The following MYOZ2 variants were observed in gnomAD, a reference collection of about 807,000 sequenced individuals.
MYOZ2 encodes myozenin-2.
Under a neutral mutation model 25.4 loss-of-function variants are expected in MYOZ2, and 19 were observed. The ratio of observed to expected loss-of-function variants is 0.75; its 90% CI spans 0.52 to 1.10. The LOEUF (loss-of-function observed/expected upper bound fraction) is 1.10, where lower values mean the gene tolerates loss of function less well. Ranked by LOEUF, MYOZ2 falls within the 50% of genes least tolerant of loss-of-function variation. The probability of loss-of-function intolerance (pLI) is 0.00; values close to 1 mark genes in which losing one functional copy is unlikely to be tolerated. For synonymous variants in MYOZ2, 92 were observed against 106.9 expected, an observed-to-expected ratio of 0.86 and a Z score of 0.86; for missense variants, 270 against 317.9, an observed-to-expected ratio of 0.85 and a Z score of 1.15.
intron 5 of MYOZ2, among the ~76,000 whole-genome samples, chr4:119,179,732 G>A (rs923195028): frequency 3.9e-5 from 6 of 152,224 alleles, no homozygotes; most frequent in Admixed American, 6.5e-5. Context: ...GGAAGTCCAA[G>A]ATCAAACTGC....
Position 119,186,162 on chromosome 4 carries a change from A to G in MYOZ2, c.757A>G (p.Thr253Ala), listed in dbSNP as rs1742290070. Residue 253 changes from threonine to alanine, a missense_variant, in exon 6 of 6, where the codon ACA becomes GCA. Physicochemically the swap from Thr to Ala is moderately conservative, Grantham distance 58. Coordinates refer to ENST00000307128, the MANE Select transcript of MYOZ2 (RefSeq NM_016599.5). ...TCCTATAGTGATAACAACCGAACCT[A>G]CAGATGATACCACTGTACCAGAATC... is the stretch of plus-strand genomic sequence containing the variant. ...NIPIVITTEP[T>A]DDTTVPESED... is the part of the protein sequence containing the mutation. 6.2e-7 allele frequency: 1 copy of G among 1,613,768 alleles called. No homozygotes were observed. Among genetic ancestry groups the G allele is most frequent in the Non-Finnish European group, 8.5e-7 (1 of 1,179,710 alleles).
At chr4:119,136,704 C>T in intron 2 of MYOZ2, 103 bp downstream of exon 2, 1 of 1,260,250 alleles carries the variant, frequency 7.9e-7, no homozygotes, top group Admixed American at 1.9e-5. Context: ...TAGATTCTTG[C>T]TGTTCTGTCA....
intron 3 of MYOZ2, among the ~76,000 whole-genome samples, chr4:119,156,313 G>C (rs986491173): frequency 1.3e-4 from 19 of 151,314 alleles, no homozygotes; most frequent in African/African-American, 4.4e-4. Flanking sequence ...CTTGATCTAT[G>C]ATCAAAGGTA....
chr4:119,176,503 A>G (rs1453940673), intron 5 of MYOZ2, among the ~76,000 whole-genome samples: 2 of 152,200 alleles, frequency 1.3e-5, no homozygotes, highest in Non-Finnish European at 2.9e-5. Flanking sequence ...GATTACAGGC[A>G]TGAGCCACTG....
chr4:119,179,420 G>A (rs1012538141), intron 5 of MYOZ2, among the ~76,000 whole-genome samples: 8 of 151,936 alleles, frequency 5.3e-5, no homozygotes, highest in African/African-American at 1.9e-4. Flanking sequence ...TCTTTCTCCT[G>A]GACTAAAATT....
At chr4:119,141,269 A>G (rs1014939354) in intron 2 of MYOZ2, among the ~76,000 whole-genome samples, 1 of 152,236 alleles carries the variant, frequency 6.6e-6, no homozygotes, top group Non-Finnish European at 1.5e-5. Flanking sequence ...TACTACAATT[A>G]TTTGTAAGTG....
At chr4:119,151,406 C>T (rs1159656113) in intron 3 of MYOZ2, among the ~76,000 whole-genome samples, 1 of 152,148 alleles carries the variant, frequency 6.6e-6, no homozygotes, top group Non-Finnish European at 1.5e-5. Context: ...TAGCGCTCCA[C>T]AGGCGAGGAT....
chr4:119,184,221 C>T (rs1046988779), intron 5 of MYOZ2, among the ~76,000 whole-genome samples: 1 of 152,186 alleles, frequency 6.6e-6, no homozygotes, highest in Non-Finnish European at 1.5e-5. Flanking sequence ...TTGCCCTTCA[C>T]ATTTAGAAGG....
rs1334189501 is a variant in MYOZ2 at position 119,160,994 on chromosome 4, C to CCTCCTGTCT, written c.376+2844_376+2852dup. Among the ~76,000 whole-genome samples the CCTCCTGTCT allele has an allele frequency of 3.3e-5, 5 of 151,890 alleles. No individual in the cohort carries two copies. In the East Asian group the frequency reaches 9.6e-4, roughly 29 times the overall value. ...GTGTTATAGAAGACTATAACTTATT[C>CCTCCTGTCT]CTCCTGTCTAGCTATAATTTTGCAT... is the stretch of plus-strand genomic sequence containing the variant. On this transcript the variant is annotated intron_variant, in intron 4 of 5. Transcript: ENST00000307128.
At chr4:119,146,284 ATCTT>A (rs1741289397) in intron 2 of MYOZ2, among the ~76,000 whole-genome samples, 1 of 145,640 alleles carries the variant, frequency 6.9e-6, no homozygotes, top group African/African-American at 2.5e-5. Context: ...TATTTTGTTC[ATCTT>A]TTTTTTTTAG....
chr4:119,142,255 A>G lies in MYOZ2; in HGVS notation c.76+5654A>G, dbSNP rs1360042301. Among the ~76,000 whole-genome samples, 5 of 152,218 alleles carry G rather than the reference A, an allele frequency of 3.3e-5. No homozygotes were observed. In the East Asian group the frequency reaches 9.6e-4, roughly 29 times the overall value. On this transcript the variant is annotated intron_variant, in intron 2 of 5. Transcript: ENST00000307128. ...CAGATATGCAGTAGTAGAACATTAC[A>G]TATTTTCCCTATACAGTTACAATGG...
chr4:119,162,507 G>A (rs937112936), intron 4 of MYOZ2, among the ~76,000 whole-genome samples: 1 of 152,182 alleles, frequency 6.6e-6, no homozygotes, highest in Non-Finnish European at 1.5e-5. Flanking sequence ...CTGACCCAGG[G>A]CAGGAGTAAC....
intron 3 of MYOZ2, among the ~76,000 whole-genome samples, chr4:119,156,177 G>T (rs565340479): frequency 6.6e-6 from 1 of 151,906 alleles, no homozygotes; most frequent in African/African-American, 2.4e-5. Context: ...AAGGGAAGGG[G>T]TGTTTTTTAA....
intron 5 of MYOZ2, among the ~76,000 whole-genome samples, chr4:119,167,468 G>A (rs771067271): frequency 1.3e-5 from 2 of 152,208 alleles, no homozygotes; most frequent in African/African-American, 4.8e-5. Context: ...TATAGCGCAA[G>A]GTGAAGCAGC....
At chr4:119,138,439 G>A (rs772817260) in intron 2 of MYOZ2, among the ~76,000 whole-genome samples, 2 of 152,136 alleles carry the variant, frequency 1.3e-5, no homozygotes, top group South Asian at 2.1e-4. Flanking sequence ...ATAGCATGAT[G>A]TTTAGAGATC....
intron 2 of MYOZ2, among the ~76,000 whole-genome samples, chr4:119,147,755 A>AATAAAT (rs549987561): frequency 0.21 from 30,975 of 150,548 alleles, 3,866 homozygotes; most frequent in South Asian, 0.35. Flanking sequence ...AAAAAAAAAA[A>AATAAAT]AATCTACTTT....
intron 2 of MYOZ2, among the ~76,000 whole-genome samples, chr4:119,147,225 A>G (rs1466175556): frequency 6.6e-6 from 1 of 151,834 alleles, no homozygotes; most frequent in Non-Finnish European, 1.5e-5. Context: ...GAGCTTAAGT[A>G]TGTAATTTTA....
chr4:119,186,562 C>T lies in MYOZ2; in HGVS notation c.*362C>T, dbSNP rs771340115. ...TCAAGTGGAATCTAGAATCAAAATA[C>T]AGGGAGAGATATGAAGACCTATTCA... On this transcript the variant is annotated 3_prime_UTR_variant, in exon 6 of 6. Coordinates refer to ENST00000307128, the MANE Select transcript of MYOZ2 (RefSeq NM_016599.5). 5.6e-5 allele frequency: 14 copies of T among 249,254 alleles called. No homozygotes were observed. The highest frequency in any genetic ancestry group is 1.1e-4 in the Non-Finnish European group (14 of 128,148). 15.4% of individuals were successfully genotyped at this position (249,254 alleles called of 1,614,324 possible).
chr4:119,175,130 G>A (rs1191689873), intron 5 of MYOZ2, among the ~76,000 whole-genome samples: 3 of 151,700 alleles, frequency 2.0e-5, no homozygotes, highest in Non-Finnish European at 4.4e-5. Flanking sequence ...GTGAGACCAA[G>A]AACCCACCAA....
Sources: allele counts gnomAD v4.1 joint callset (sites outside exome capture counted in the v4.1 genomes callset), GRCh38; gene constraint gnomAD v4.1.1; transcripts MANE v1.5; gene names NCBI Gene and HGNC (gene_info 2026-07-23, HGNC 2026-07-21).